The following SGCG variants were observed in gnomAD, a reference collection of about 807,000 sequenced individuals.
The protein encoded by SGCG is sarcoglycan gamma, also known as gamma-sarcoglycan.
SGCG carries 26 observed loss-of-function variants against 29.3 expected under a neutral mutation model. That is an observed-to-expected ratio of 0.89 (90% CI 0.65 to 1.23). The LOEUF is 1.23. Ranked by LOEUF, SGCG falls within the 50% of genes most tolerant of loss-of-function variation. SGCG has a pLI of 0.00. For synonymous variants in SGCG, 145 were observed against 129.7 expected (o/e 1.12, Z -0.80); for missense variants, 353 against 356.0 (o/e 0.99, Z 0.07).
chr13:23,186,969 C>G (rs1283639263), intron 1 of SGCG, among the ~76,000 whole-genome samples: 1 of 152,202 alleles, frequency 6.6e-6, no homozygotes, highest in Non-Finnish European at 1.5e-5. Flanking sequence ...CCCCTGGCCA[C>G]CGAGTGGCTG....
At chr13:23,263,516 A>G (rs890833193) in intron 4 of SGCG, among the ~76,000 whole-genome samples, 6 of 151,942 alleles carry the variant, frequency 3.9e-5, no homozygotes, top group African/African-American at 7.2e-5. Context: ...AAAAAAGCTC[A>G]GGGCTAGACA....
intron 1 of SGCG, among the ~76,000 whole-genome samples, chr13:23,201,615 A>G (rs1877771082): frequency 6.6e-6 from 1 of 152,170 alleles, no homozygotes; most frequent in Non-Finnish European, 1.5e-5. Flanking sequence ...AGCCTTGCCC[A>G]CGCTTTCATT....
chr13:23,290,064 G>A (rs1226505563), intron 5 of SGCG, among the ~76,000 whole-genome samples: 1 of 152,186 alleles, frequency 6.6e-6, no homozygotes, highest in African/African-American at 2.4e-5. Flanking sequence ...TATGAATCGG[G>A]TGTATGGCAG....
chr13:23,287,148 A>G (rs1164402790), intron 5 of SGCG, among the ~76,000 whole-genome samples: 1 of 152,118 alleles, frequency 6.6e-6, no homozygotes, highest in African/African-American at 2.4e-5. Context: ...TGATTATGTC[A>G]CTTATATGGT....
At chr13:23,188,852 C>T (rs1877119717) in intron 1 of SGCG, among the ~76,000 whole-genome samples, 1 of 152,188 alleles carries the variant, frequency 6.6e-6, no homozygotes, top group South Asian at 2.1e-4. Flanking sequence ...CAATGGCACA[C>T]ATGCCTGGTG....
chr13:23,257,733 A>C (rs1880254491), intron 4 of SGCG, among the ~76,000 whole-genome samples: 1 of 152,200 alleles, frequency 6.6e-6, no homozygotes, highest in Non-Finnish European at 1.5e-5. Context: ...ATAAAGTGTA[A>C]GGAAGAGATC....
chr13:23,182,482 T>C (rs1216955218), intron 1 of SGCG, among the ~76,000 whole-genome samples: 1 of 145,362 alleles, frequency 6.9e-6, no homozygotes, highest in Admixed American at 6.8e-5. Flanking sequence ...TCCCCTTCTC[T>C]CAGCCTCTAT....
chr13:23,284,425 A>G (rs1881421087), intron 5 of SGCG, among the ~76,000 whole-genome samples: 1 of 152,034 alleles, frequency 6.6e-6, no homozygotes, highest in Admixed American at 6.6e-5. Flanking sequence ...TATGCTTCAC[A>G]AAGTTCTCAT....
At chr13:23,233,057 C>T (rs1879169991) in intron 2 of SGCG, among the ~76,000 whole-genome samples, 1 of 152,102 alleles carries the variant, frequency 6.6e-6, no homozygotes, top group African/African-American at 2.4e-5. Context: ...ATCAATTCTG[C>T]TTTTGGCTCT....
chr13:23,182,678 A>ATTTAGT (rs1876789086), intron 1 of SGCG, among the ~76,000 whole-genome samples: 1 of 152,162 alleles, frequency 6.6e-6, no homozygotes, highest in Admixed American at 6.5e-5. Context: ...AGTATTTAGT[A>ATTTAGT]ATTTGTGAAT....
intron 6 of SGCG, among the ~76,000 whole-genome samples, chr13:23,311,653 G>A (rs935445316): frequency 2.6e-5 from 4 of 152,300 alleles, no homozygotes; most frequent in Non-Finnish European, 2.9e-5. Flanking sequence ...TGAGGTGTTC[G>A]ATGAGGAATC....
At chr13:23,267,085 G>A (rs1470296729) in intron 4 of SGCG, among the ~76,000 whole-genome samples, 1 of 152,206 alleles carries the variant, frequency 6.6e-6, no homozygotes, top group Non-Finnish European at 1.5e-5. Flanking sequence ...TCTGGTTACT[G>A]TTGTTCACTT....
At chr13:23,270,844 A>G (rs1454806802) in intron 4 of SGCG, among the ~76,000 whole-genome samples, 1 of 152,124 alleles carries the variant, frequency 6.6e-6, no homozygotes, top group Non-Finnish European at 1.5e-5. Context: ...TCCCTAATTT[A>G]TGTGAAGTTT....
At chr13:23,186,859 T>C (rs936944761) in intron 1 of SGCG, among the ~76,000 whole-genome samples, 1 of 152,168 alleles carries the variant, frequency 6.6e-6, no homozygotes, top group African/African-American at 2.4e-5. Context: ...GGATCACACA[T>C]TCTGTAAGTT....
chr13:23,195,601 G>A (rs957493479), intron 1 of SGCG, among the ~76,000 whole-genome samples: 1 of 151,872 alleles, frequency 6.6e-6, no homozygotes, highest in Non-Finnish European at 1.5e-5. Flanking sequence ...TTTTAAAATG[G>A]CAGAGTTTGC....
rs568954197 is a variant in SGCG at position 23,194,377 on chromosome 13, C to A, written c.1-9318C>A. On this transcript the variant is annotated intron_variant, in intron 1 of 7. Transcript: ENST00000218867. Reference sequence around the variant, plus strand: ...GGGTGCAAGTGACGGAAACCCAAGTCGAAGAAGTTCAAGTGAAGATGAAAC... The same window carrying A: ...GGGTGCAAGTGACGGAAACCCAAGTAGAAGAAGTTCAAGTGAAGATGAAAC... 2.0e-5 allele frequency among the ~76,000 whole-genome samples: 3 copies of A among 152,132 alleles called. No homozygotes were observed. The East Asian group carries it at 5.8e-4, about 29-fold the overall frequency.
chr13:23,289,874 T>C (rs775509014), intron 5 of SGCG, among the ~76,000 whole-genome samples: 1 of 152,164 alleles, frequency 6.6e-6, no homozygotes, highest in East Asian at 1.9e-4. Context: ...TTATACATCT[T>C]AAGATCAATC....
At chr13:23,188,792 C>T (rs1450050999) in intron 1 of SGCG, among the ~76,000 whole-genome samples, 6 of 152,282 alleles carry the variant, frequency 3.9e-5, no homozygotes, top group African/African-American at 1.2e-4. Context: ...CTATGAAGCT[C>T]TGCAGTTCCT....
At chr13:23,301,863 G>A (rs1001345167) in intron 6 of SGCG, among the ~76,000 whole-genome samples, 1 of 151,660 alleles carries the variant, frequency 6.6e-6, no homozygotes, top group East Asian at 1.9e-4. Context: ...CTGCACTCCA[G>A]CCTGGGCAAC....
Sources: gnomAD v4.1 joint callset for allele counts (sites outside exome capture counted in the v4.1 genomes callset) on GRCh38, gnomAD v4.1.1 for gene constraint, MANE v1.5 for transcripts, NCBI Gene and HGNC (gene_info 2026-07-23, HGNC 2026-07-21) for gene names.